The following RIPOR1 variants were observed in gnomAD, a reference collection of about 807,000 sequenced individuals.
RIPOR1 encodes RHO family interacting cell polarization regulator 1.
A neutral mutation model predicts 116.5 loss-of-function variants in RIPOR1; 58 were observed. The ratio of observed to expected loss-of-function variants is 0.50; its 90% CI spans 0.40 to 0.62. The LOEUF is 0.62. Ranked by LOEUF, RIPOR1 falls within the 20% of genes least tolerant of loss-of-function variation. RIPOR1 has a pLI of 0.00. For synonymous variants in RIPOR1, 605 were observed against 650.0 expected (o/e 0.93, Z 1.05); for missense variants, 1,372 against 1,586.2 (o/e 0.86, Z 2.29).
In RIPOR1 at chr16:67,540,781, A is replaced by T; in HGVS notation, c.801+77A>T. ...TGACCCCCATTACCCTGAGTCCCTT[A>T]CTCCTGTGATCCCCTCATAGCTCCA... On this transcript the variant is annotated intron_variant, in intron 10 of 21. Coordinates refer to ENST00000042381, the MANE Select transcript of RIPOR1 (RefSeq NM_024519.4). The surrounding 1 kb of genome is among the most constrained non-coding windows in gnomAD (Gnocchi z 4.7). 1 of 1,405,818 alleles carries T rather than the reference A, an allele frequency of 7.1e-7. No homozygotes were observed. Among genetic ancestry groups the T allele is most frequent in the Non-Finnish European group, 9.7e-7 (1 of 1,031,876 alleles). The allele number at this position is 1,405,818 out of a possible 1,614,324, so 87.1% of individuals were successfully genotyped here.
At chr16:67,539,482 G>A (rs890153007) in intron 4 of RIPOR1, 3 of 589,338 alleles carry the variant, frequency 5.1e-6, no homozygotes, top group African/African-American at 3.7e-5. Flanking sequence ...TCCCCAGGCG[G>A]CTGCAGGAAA....
chr16:67,535,376 G>T (rs961715572), intron 1 of RIPOR1, among the ~76,000 whole-genome samples: 2 of 152,198 alleles, frequency 1.3e-5, no homozygotes, highest in Non-Finnish European at 2.9e-5. Context: ...CCAGGAGTTG[G>T]ATTCCCCAGG....
intron 1 of RIPOR1, among the ~76,000 whole-genome samples, chr16:67,520,257 T>G (rs776341711): frequency 2.9e-4 from 44 of 151,330 alleles, no homozygotes; most frequent in Non-Finnish European, 7.4e-5. Flanking sequence ...TGTGTGTGCC[T>G]GTGGTCCCAG....
Position 67,537,748 on chromosome 16 carries a change from C to T in RIPOR1, c.-23-676C>T, listed in dbSNP as rs992535210. On this transcript the variant is annotated intron_variant, in intron 1 of 21. Coordinates refer to ENST00000042381, the MANE Select transcript of RIPOR1 (RefSeq NM_024519.4). This position sits in a 1 kb window ranked among gnomAD's most constrained non-coding sequence, Gnocchi z 4.6. ...CGATGCCGGGGTGGAGGCGCACGTC[C>T]GTGACTCAGTTTCCAGGTGGGAGCC... Among the ~76,000 whole-genome samples the T allele has an allele frequency of 2.2e-4, 34 of 152,048 alleles. No homozygotes were observed. The highest frequency in any genetic ancestry group is 2.2e-4 in the Non-Finnish European group (15 of 67,984).
rs2050631505 is a variant in RIPOR1, at chr16:67,530,498, C to T, written c.-24+1584C>T. ...GGACCCCCTTCTCCCTTGCAGCCGC[C>T]CCTTGCCCAGGTTATTTTTAGCCTC... On this transcript the variant is annotated intron_variant, in intron 1 of 21. Coordinates refer to ENST00000042381, the MANE Select transcript of RIPOR1 (RefSeq NM_024519.4). The surrounding 1 kb of genome is among the most constrained non-coding windows in gnomAD (Gnocchi z 4.5). 6.6e-6 allele frequency among the ~76,000 whole-genome samples: 1 copy of T among 152,178 alleles called. No homozygotes were observed. Among genetic ancestry groups the T allele is most frequent in the Non-Finnish European group, 1.5e-5 (1 of 68,016 alleles).
At position 67,546,247 on chromosome 16, in the gene RIPOR1, G is replaced by A; in HGVS notation, c.3562+16G>A. 1.2e-6 allele frequency: 2 copies of A among 1,613,690 alleles called. No individual in the cohort carries two copies. The highest frequency in any genetic ancestry group is 1.1e-5 in the South Asian group (1 of 91,080). On this transcript the variant is annotated intron_variant, in intron 21 of 21. Coordinates refer to ENST00000042381, the MANE Select transcript of RIPOR1 (RefSeq NM_024519.4). ...CAGCAGTGTGGTGAGGCTGGGGGAT[G>A]GAAGAGATGGGTGGAGTTCTGGGAC...
chr16:67,523,480 C>A (rs1262874739), intron 1 of RIPOR1, among the ~76,000 whole-genome samples: 3 of 131,328 alleles, frequency 2.3e-5, no homozygotes, highest in Non-Finnish European at 3.1e-5. Flanking sequence ...GAGCCGAGAT[C>A]GCGCCACTGC....
chr16:67,542,670 T>C lies in RIPOR1; in HGVS notation c.1884T>C (p.Ser628=), dbSNP rs1477661974. ...CAAGCCCCACCCATACCCCCACAAG[T>C]CCCACCCACAAAACCAGTATGTCAC... ...TSTSPTHTPT[S]PTHKTSMSPP... is the part of the protein sequence containing the mutation. Residue 628 remains serine (S), a synonymous_variant, in exon 13 of 22, where the codon AGT becomes AGC. Coordinates refer to ENST00000042381, the MANE Select transcript of RIPOR1 (RefSeq NM_024519.4). The surrounding 1 kb of genome is among the most constrained non-coding windows in gnomAD (Gnocchi z 4.6). The C allele has an allele frequency of 2.5e-6, 4 of 1,601,876 alleles. No homozygotes were observed. The highest frequency in any genetic ancestry group is 1.4e-5 in the African/African-American group (1 of 69,914).
chr16:67,539,877 G>C lies in RIPOR1; in HGVS notation c.392G>C (p.Arg131Pro), dbSNP rs373261651. Residue 131 changes from arginine to proline, a missense_variant, in exon 6 of 22, where the codon CGA becomes CCA. Around this residue, in one of 3 missense-constraint regions of RIPOR1, gnomAD observed 202 missense variants for 295.9 expected, o/e 0.68. Transcript: ENST00000042381. ...QVKSIERFLR[R>P]LEFHASKIDE... Reference sequence around the variant, plus strand: ...AAGTCCATTGAACGCTTCCTGCGACGACTGGAGTTCCATGCCAGCAAGGTA... The same window carrying C: ...AAGTCCATTGAACGCTTCCTGCGACCACTGGAGTTCCATGCCAGCAAGGTA... 1.2e-6 allele frequency: 2 copies of C among 1,614,174 alleles called. No homozygotes were observed. The highest frequency in any genetic ancestry group is 1.7e-6 in the Non-Finnish European group (2 of 1,180,030).
chr16:67,542,244 C>T lies in RIPOR1; in HGVS notation c.1458C>T (p.Thr486=). 6.2e-7 allele frequency: 1 copy of T among 1,613,682 alleles called. No homozygotes were observed. Among genetic ancestry groups the T allele is most frequent in the Non-Finnish European group, 8.5e-7 (1 of 1,179,754 alleles). ...GCCCACCTACACACCCAGCTCCCAC[C>T]CATGGAGAGCACCCCAGTCCTGTTC... ...GPSPPTHPAP[T]HGEHPSPVPP... is the part of the protein sequence containing the mutation. Residue 486 remains threonine (T), a synonymous_variant, in exon 13 of 22, where the codon ACC becomes ACT. Transcript: ENST00000042381. The surrounding 1 kb of genome is among the most constrained non-coding windows in gnomAD (Gnocchi z 4.6).
chr16:67,544,528 C>T lies in RIPOR1; in HGVS notation c.2733+97C>T. On this transcript the variant is annotated intron_variant, in intron 15 of 21. Coordinates refer to ENST00000042381, the MANE Select transcript of RIPOR1 (RefSeq NM_024519.4). This position sits in a 1 kb window ranked among gnomAD's most constrained non-coding sequence, Gnocchi z 5.1. ...GGTCCTCTATACCTCCTCTGAGTGC[C>T]ACACCCCAGTGCCCCAGGGCCCTTG... 1 of 1,539,154 alleles carries T rather than the reference C, an allele frequency of 6.5e-7. No homozygotes were observed. The highest frequency in any genetic ancestry group is 8.8e-7 in the Non-Finnish European group (1 of 1,137,046).
chr16:67,541,875 GCGA>G lies in RIPOR1; in HGVS notation c.1092_1094del (p.Arg365del). On this transcript the variant is annotated inframe_deletion, in exon 13 of 22. Coordinates refer to ENST00000042381, the MANE Select transcript of RIPOR1 (RefSeq NM_024519.4). The surrounding 1 kb of genome is among the most constrained non-coding windows in gnomAD (Gnocchi z 4.6). Reference sequence around the variant, plus strand: ...CCTCTCCTCTTTCTCAGAACATGCTGCGACGGCAGGAGGAGCTGGAGAATGGGA... The same window carrying G: ...CCTCTCCTCTTTCTCAGAACATGCTGCGGCAGGAGGAGCTGGAGAATGGGA... 6.2e-7 allele frequency: 1 copy of G among 1,609,620 alleles called. No individual in the cohort carries two copies. Among genetic ancestry groups the G allele is most frequent in the Non-Finnish European group, 8.5e-7 (1 of 1,176,672 alleles).
At chr16:67,525,119 G>C (rs2050528886), upstream of RIPOR1, among the ~76,000 whole-genome samples, 1 of 152,220 alleles carries the variant, frequency 6.6e-6, no homozygotes, top group East Asian at 1.9e-4. Context: ...CCTACCCACT[G>C]TCTGCCTAGG....
chr16:67,528,382 G>A (rs2050566619), upstream of RIPOR1: 1 of 152,400 alleles, frequency 6.6e-6, no homozygotes, highest in Admixed American at 6.5e-5. Context: ...TGAAATGGCA[G>A]GGCTGAAGGG....
intron 1 of RIPOR1, among the ~76,000 whole-genome samples, chr16:67,534,655 G>C (rs972320232): frequency 1.3e-5 from 2 of 151,998 alleles, no homozygotes; most frequent in Admixed American, 6.6e-5. Context: ...TATCACCATA[G>C]ATTAGTTTTG....
At chr16:67,527,585 C>T (rs1406463063), upstream of RIPOR1, among the ~76,000 whole-genome samples, 1 of 151,336 alleles carries the variant, frequency 6.6e-6, no homozygotes, top group African/African-American at 2.4e-5. Flanking sequence ...TCTAAAAAAC[C>T]GACCAAACAG....
chr16:67,543,044 GCCCCA>G lies in RIPOR1; in HGVS notation c.2260_2264del (p.Pro754SerfsTer48). On this transcript the variant is annotated frameshift_variant, in exon 13 of 22. Transcript: ENST00000042381. LOFTEE classifies it high-confidence loss of function. The surrounding 1 kb of genome is among the most constrained non-coding windows in gnomAD (Gnocchi z 4.7). ...TCAGAGTCTACGGTTCAGAGTCTAA[GCCCCA>G]CTCCCTCACCCCCAACCCCTGCACC... 1 of 1,529,856 alleles carries G rather than the reference GCCCCA, an allele frequency of 6.5e-7. No homozygotes were observed. Among genetic ancestry groups the G allele is most frequent in the Non-Finnish European group, 8.8e-7 (1 of 1,141,038 alleles). The allele number at this position is 1,529,856 out of a possible 1,614,324, so 94.8% of individuals were successfully genotyped here.
At chr16:67,527,685 G>A (rs573925959), upstream of RIPOR1, among the ~76,000 whole-genome samples, 15 of 152,192 alleles carry the variant, frequency 9.9e-5, no homozygotes, top group East Asian at 2.5e-3. Flanking sequence ...GACCATCCTG[G>A]CTAACATGGT....
intron 1 of RIPOR1, among the ~76,000 whole-genome samples, chr16:67,523,544 A>C (rs1240852505): frequency 6.6e-6 from 1 of 151,166 alleles, no homozygotes; most frequent in Non-Finnish European, 1.5e-5. Context: ...AAAAAAAAAA[A>C]AAAAACAGTA....
Sources: allele counts gnomAD v4.1 joint callset (sites outside exome capture counted in the v4.1 genomes callset), GRCh38; gene constraint gnomAD v4.1.1; regional missense constraint gnomAD v4.1.1; non-coding constraint Gnocchi (gnomAD v3.1); transcripts MANE v1.5; gene names NCBI Gene and HGNC (gene_info 2026-07-23, HGNC 2026-07-21).